Variants in MPPE1 observed in about 807,000 individuals in gnomAD.
MPPE1 encodes the protein metallo phosphoesterase.
A neutral mutation model predicts 43.8 loss-of-function variants in MPPE1; 28 were observed. The ratio of observed to expected loss-of-function variants is 0.64; its 90% confidence interval spans 0.47 to 0.88. The LOEUF (loss-of-function observed/expected upper bound fraction) is 0.88, where lower values mean the gene tolerates loss of function less well. Ranked by LOEUF, MPPE1 falls within the 40% of genes least tolerant of loss-of-function variation. MPPE1 has a pLI of 0.00. For missense variants in MPPE1, 428 were observed against 492.2 expected, an observed-to-expected ratio of 0.87 and a Z score of 1.23; for synonymous variants, 159 against 188.5, an observed-to-expected ratio of 0.84 and a Z score of 1.28.
intron 2 of MPPE1, among the ~76,000 whole-genome samples, chr18:11,902,031 T>C (rs915979531): frequency 6.6e-6 from 1 of 152,222 alleles, no homozygotes; most frequent in Non-Finnish European, 1.5e-5. Flanking sequence ...AGAACTTTTG[T>C]CACCTCTCTT....
At chr18:11,900,103 T>C (rs2038985378) in intron 2 of MPPE1, among the ~76,000 whole-genome samples, 1 of 152,064 alleles carries the variant, frequency 6.6e-6, no homozygotes, top group East Asian at 1.9e-4. Flanking sequence ...ATCCAGCACT[T>C]TGGGAGGCCA....
At chr18:11,895,437 G>T (rs902038149) in intron 3 of MPPE1, among the ~76,000 whole-genome samples, 4 of 152,190 alleles carry the variant, frequency 2.6e-5, no homozygotes. Flanking sequence ...GTCAGAGGAA[G>T]ATTTTTAGAT....
Position 11,886,960 on chromosome 18 carries a change from G to GCTTC in MPPE1, c.631_634dup (p.Ala212GlyfsTer6). The GCTTC allele has an allele frequency of 6.2e-7, 1 of 1,613,816 alleles. No homozygotes were observed. The highest frequency in any genetic ancestry group is 1.1e-5 in the South Asian group (1 of 91,084). On this transcript the variant is annotated frameshift_variant, in exon 7 of 11. Coordinates refer to ENST00000588072, the MANE Select transcript of MPPE1 (RefSeq NM_023075.6). LOFTEE classifies it high-confidence loss of function. This position sits in a 1 kb window ranked among gnomAD's most constrained non-coding sequence, Gnocchi z 4.1. ...TCTGTGAGAAACTTCAATGAGCTCTGCTTCTGTTTCAGAGCAGATGCCACA... is the reference window on the plus strand; with the variant it reads ...TCTGTGAGAAACTTCAATGAGCTCTGCTTCCTTCTGTTTCAGAGCAGATGCCACA...
At position 11,903,667 on chromosome 18, in the gene MPPE1, G is replaced by A. The variant is rs898663836; in HGVS notation, c.-93+2536C>T. Among the ~76,000 whole-genome samples, 8 of 152,240 alleles carry A rather than the reference G, an allele frequency of 5.3e-5. No homozygotes were observed. In the East Asian group the frequency reaches 9.7e-4, roughly 18 times the overall value. On this transcript the variant is annotated intron_variant, in intron 2 of 10. Coordinates refer to ENST00000588072, the MANE Select transcript of MPPE1 (RefSeq NM_023075.6). ...TAAAAATACAAAAAATTAGCCGGGC[G>A]TGGTTGCAGGTGCCTATAGTCCCAG...
At chr18:11,890,932 C>T (rs2037925799) in intron 4 of MPPE1, among the ~76,000 whole-genome samples, 1 of 151,928 alleles carries the variant, frequency 6.6e-6, no homozygotes, top group Non-Finnish European at 1.5e-5. Context: ...AAAAATTTTT[C>T]AAAATTATTC....
At chr18:11,885,628 T>G in intron 10 of MPPE1, 48 bp downstream of exon 10, 1 of 1,588,402 alleles carries the variant, frequency 6.3e-7, no homozygotes, top group African/African-American at 1.3e-5. Flanking sequence ...ACTGTGTTGA[T>G]TTAAATACTT....
chr18:11,885,516 G>A (rs2037074829), intron 10 of MPPE1, 160 bp downstream of exon 10: 1 of 813,020 alleles, frequency 1.2e-6, no homozygotes. Flanking sequence ...TCCCGGAAGG[G>A]TGTTTGGCAA....
rs2039705036 is a variant in MPPE1 at position 11,906,288 on chromosome 18, C to A, written c.-178G>T. 1.3e-5 allele frequency: 2 copies of A among 152,118 alleles called. No homozygotes were observed. The highest frequency in any genetic ancestry group is 4.1e-4 in the South Asian group (2 of 4,832). 9.4% of individuals were successfully genotyped at this position (152,118 alleles called of 1,614,324 possible). A position where few individuals can be genotyped will look rare whatever the true frequency, so the allele number is the denominator to read the frequency against. ...CGAGGCTCTAAGTTGGCATCTGCTC[C>A]CCAAAATCAGAATTCATTTATCTGA... On this transcript the variant is annotated 5_prime_UTR_variant, in exon 2 of 11. Coordinates refer to ENST00000588072, the MANE Select transcript of MPPE1 (RefSeq NM_023075.6).
chr18:11,900,678 T>C (rs185429011), intron 2 of MPPE1, among the ~76,000 whole-genome samples: 3,304 of 151,846 alleles, frequency 0.022, 42 homozygotes, highest in African/African-American at 0.033. Flanking sequence ...GAGGCCAAGG[T>C]GGGCAGATCA....
At chr18:11,903,528 T>C (rs376728208) in intron 2 of MPPE1, among the ~76,000 whole-genome samples, 11 of 152,136 alleles carry the variant, frequency 7.2e-5, no homozygotes, top group South Asian at 2.1e-4. Context: ...TGCACTTGGC[T>C]GGGCACGGTG....
chr18:11,886,467 A>T lies in MPPE1; in HGVS notation c.867+32T>A, dbSNP rs772196378. 10 of 1,614,036 alleles carry T rather than the reference A, an allele frequency of 6.2e-6. No individual in the cohort carries two copies. The highest frequency in any genetic ancestry group is 6.8e-6 in the Non-Finnish European group (8 of 1,179,998). ...GCAAGGTGATGAGAGTCACACTGTG[A>T]CATGAATTAGCATCACGACACCCTG... is the stretch of plus-strand genomic sequence containing the variant. On this transcript the variant is annotated intron_variant, in intron 9 of 10. Transcript: ENST00000588072. The surrounding 1 kb of genome is among the most constrained non-coding windows in gnomAD (Gnocchi z 4.1).
intron 6 of MPPE1, among the ~76,000 whole-genome samples, chr18:11,888,384 C>T (rs1436970437): frequency 1.1e-4 from 16 of 152,164 alleles, no homozygotes; most frequent in Non-Finnish European, 1.5e-5. Context: ...TACCCAGAGA[C>T]AGTGCAGACA....
intron 10 of MPPE1, chr18:11,884,903 C>T: frequency 2.3e-6 from 3 of 1,302,506 alleles, no homozygotes; most frequent in Non-Finnish European, 3.0e-6. Context: ...CCCTGGCTCA[C>T]TGGGTTCCCA....
intron 4 of MPPE1, among the ~76,000 whole-genome samples, chr18:11,890,467 G>A (rs1598511942): frequency 6.6e-6 from 1 of 152,034 alleles, no homozygotes. Flanking sequence ...GTACCACCAT[G>A]CCCAGCTAAT....
At chr18:11,888,356 G>A (rs1330403327) in intron 6 of MPPE1, among the ~76,000 whole-genome samples, 1 of 152,182 alleles carries the variant, frequency 6.6e-6, no homozygotes, top group African/African-American at 2.4e-5. Flanking sequence ...TTACAAAGTG[G>A]GCTGATGAAA....
intron 2 of MPPE1, among the ~76,000 whole-genome samples, chr18:11,900,277 G>A (rs1449909374): frequency 6.6e-6 from 1 of 152,160 alleles, no homozygotes; most frequent in Non-Finnish European, 1.5e-5. Flanking sequence ...AACCTGGGAG[G>A]CGGAGGTTGC....
chr18:11,887,092 C>T, intron 6 of MPPE1, 67 bp from the exon 7 acceptor site: 5 of 1,191,126 alleles, frequency 4.2e-6, no homozygotes, highest in Non-Finnish European at 6.0e-6. Context: ...CTACTGTTCC[C>T]ATGAAAAGAA....
At chr18:11,894,620 C>T (rs545729916) in intron 3 of MPPE1, among the ~76,000 whole-genome samples, 3 of 152,140 alleles carry the variant, frequency 2.0e-5, no homozygotes, top group Non-Finnish European at 4.4e-5. Flanking sequence ...GATGCAGTTT[C>T]GCTCTTGTTG....
intron 4 of MPPE1, chr18:11,891,161 C>G (rs890340377): frequency 1.3e-5 from 2 of 152,122 alleles, no homozygotes; most frequent in African/African-American, 2.4e-5. Flanking sequence ...TACAAAGATT[C>G]CACTTTAACA....
Sources: allele counts gnomAD v4.1 joint callset (sites outside exome capture counted in the v4.1 genomes callset), GRCh38; gene constraint gnomAD v4.1.1; non-coding constraint Gnocchi (gnomAD v3.1); transcripts MANE v1.5; gene names NCBI Gene and HGNC (gene_info 2026-07-23, HGNC 2026-07-21).